The following SPRED2 variants were observed in gnomAD, a reference collection of about 807,000 sequenced individuals.
SPRED2 encodes sprouty related EVH1 domain containing 2, also known as sprouty-related, EVH1 domain-containing protein 2.
In SPRED2, 47 loss-of-function variants were observed where a neutral mutation model predicts 43.0. That is an observed-to-expected ratio of 1.09 (90% CI 0.87 to 1.40). The LOEUF (loss-of-function observed/expected upper bound fraction) is 1.40. SPRED2 is among the 40% of genes most tolerant of loss of function. The pLI is 0.00. For missense variants in SPRED2, 561 were observed against 586.4 expected (o/e 0.96, Z 0.45); for synonymous variants, 225 against 225.7 (o/e 1.00, Z 0.03).
chr2:65,345,056 T>C (rs1337683596), intron 1 of SPRED2, among the ~76,000 whole-genome samples, 160 bp from the exon 2 acceptor site: 2 of 151,972 alleles, frequency 1.3e-5, no homozygotes, highest in Non-Finnish European at 1.5e-5. Context: ...TCTCAACTTT[T>C]AGGGAAAAAA....
At chr2:65,425,664 T>C (rs72808008) in intron 1 of SPRED2, among the ~76,000 whole-genome samples, 12,831 of 152,294 alleles carry the variant, frequency 0.084, 668 homozygotes, top group East Asian at 0.16. Flanking sequence ...ATATATTTTG[T>C]TCCACGGGGC....
At chr2:65,321,865 T>A (rs901973249) in intron 4 of SPRED2, among the ~76,000 whole-genome samples, 1 of 152,100 alleles carries the variant, frequency 6.6e-6, no homozygotes, top group African/African-American at 2.4e-5. Flanking sequence ...CTCCGCCTCC[T>A]GGGTTCAAGC....
chr2:65,370,647 T>C (rs1675101339), intron 1 of SPRED2, among the ~76,000 whole-genome samples: 1 of 152,160 alleles, frequency 6.6e-6, no homozygotes, highest in Non-Finnish European at 1.5e-5. Flanking sequence ...TACAAGAGTG[T>C]TATTTATAGT....
chr2:65,324,171 G>A (rs925606290), intron 4 of SPRED2, among the ~76,000 whole-genome samples: 4 of 151,902 alleles, frequency 2.6e-5, no homozygotes, highest in Non-Finnish European at 5.9e-5. Flanking sequence ...TCCAAAAAAA[G>A]AGCAGGCTTC....
chr2:65,431,222 C>G (rs1676679515), intron 1 of SPRED2, among the ~76,000 whole-genome samples: 1 of 151,632 alleles, frequency 6.6e-6, no homozygotes, highest in Non-Finnish European at 1.5e-5. Context: ...CACATACACA[C>G]ACACACACGC....
intron 4 of SPRED2, among the ~76,000 whole-genome samples, chr2:65,323,334 A>G (rs182082709): frequency 3.0e-4 from 46 of 152,286 alleles, no homozygotes; most frequent in African/African-American, 1.0e-3. Flanking sequence ...AAAAAACCAC[A>G]TACTTTGAGT....
intron 1 of SPRED2, among the ~76,000 whole-genome samples, chr2:65,414,469 T>A (rs1676228040): frequency 6.8e-6 from 1 of 148,012 alleles, no homozygotes; most frequent in African/African-American, 2.7e-5. Flanking sequence ...ACGGAGGCTG[T>A]GAATGTGAAG....
chr2:65,389,451 C>T (rs932901988), intron 1 of SPRED2, among the ~76,000 whole-genome samples: 2 of 152,146 alleles, frequency 1.3e-5, no homozygotes, highest in African/African-American at 4.8e-5. Flanking sequence ...TTCTGCGAAA[C>T]ATAACACACA....
chr2:65,427,571 A>G (rs1383803724), intron 1 of SPRED2, among the ~76,000 whole-genome samples: 1 of 152,184 alleles, frequency 6.6e-6, no homozygotes, highest in African/African-American at 2.4e-5. Context: ...ATAATAACCA[A>G]CTCTGAATTT....
chr2:65,413,185 C>A (rs1176955375), intron 1 of SPRED2, among the ~76,000 whole-genome samples: 1 of 152,156 alleles, frequency 6.6e-6, no homozygotes, highest in Non-Finnish European at 1.5e-5. Context: ...GATGTTTCTC[C>A]TCTAAGGCCC....
Position 65,355,326 on chromosome 2 carries a change from T to C in SPRED2, c.27-10430A>G, listed in dbSNP as rs78680798. Among the ~76,000 whole-genome samples the C allele has an allele frequency of 2.7e-3, 408 of 152,330 alleles. 1 individual carries two copies. Among genetic ancestry groups the C allele is most frequent in the Non-Finnish European group, 4.2e-3 (283 of 68,026 alleles). ...TATGGGAAGATTTTACTGTGAAAGATTGTTGACATTCAAGGCATGTGTCAG... is the reference window on the plus strand; with the variant it reads ...TATGGGAAGATTTTACTGTGAAAGACTGTTGACATTCAAGGCATGTGTCAG... On this transcript the variant is annotated intron_variant, in intron 1 of 5. Coordinates refer to ENST00000356388, the MANE Select transcript of SPRED2 (RefSeq NM_181784.3).
At chr2:65,340,108 A>T (rs549097534) in intron 2 of SPRED2, among the ~76,000 whole-genome samples, 8 of 152,360 alleles carry the variant, frequency 5.3e-5, no homozygotes, top group African/African-American at 1.9e-4. Flanking sequence ...TTGCCATAAA[A>T]TGTCATTTAT....
intron 1 of SPRED2, chr2:65,377,810 G>A (rs924097069): frequency 1.6e-5 from 7 of 432,664 alleles, no homozygotes; most frequent in African/African-American, 1.4e-4. Flanking sequence ...GAGGAGCCCG[G>A]GGGCAGTCCC....
chr2:65,316,942 GCAAA>G, intron 4 of SPRED2, 59 bp from the exon 5 acceptor site: 1 of 1,559,396 alleles, frequency 6.4e-7, no homozygotes. Flanking sequence ...ACCCCACGCA[GCAAA>G]CCCTGACATG....
chr2:65,417,191 C>CA (rs1410228580), intron 1 of SPRED2, among the ~76,000 whole-genome samples: 2 of 152,232 alleles, frequency 1.3e-5, no homozygotes, highest in Admixed American at 6.5e-5. Flanking sequence ...ACATCAAAAG[C>CA]AAACACATGG....
In SPRED2 at chr2:65,316,793, T is replaced by G. The variant is rs1254142879; in HGVS notation, c.529A>C (p.Ile177Leu). 1 of 1,613,360 alleles carries G rather than the reference T, an allele frequency of 6.2e-7. No individual in the cohort carries two copies. The highest frequency in any genetic ancestry group is 8.5e-7 in the Non-Finnish European group (1 of 1,179,800). The stretch of plus-strand genomic sequence containing the variant: ...TCGTGGAGGTGGCCCAGGGTATAAA[T>G]CCTCCGGTGCTCACAGGATGTGGGA... ...SSPTSCEHRR[I>L]YTLGHLHDSY... is the part of the protein sequence containing the mutation. The change falls in exon 5 of 6, where the codon ATT becomes CTT. Residue 177 changes from isoleucine to leucine, a missense_variant. By Grantham distance (5) the Ile-to-Leu change is conservative. Transcript: ENST00000356388.
At position 65,402,655 on chromosome 2, in the gene SPRED2, G is replaced by A. The variant is rs191668264; in HGVS notation, c.26+29307C>T. Reference sequence around the variant, plus strand: ...TAGAGCCTAAAGCAGGCATAGTGAAGGCATAGGAATTCCTATCAGAGCTCA... The same window carrying A: ...TAGAGCCTAAAGCAGGCATAGTGAAAGCATAGGAATTCCTATCAGAGCTCA... On this transcript the variant is annotated intron_variant, in intron 1 of 5. Coordinates refer to ENST00000356388, the MANE Select transcript of SPRED2 (RefSeq NM_181784.3). Among the ~76,000 whole-genome samples the A allele has an allele frequency of 5.3e-4, 81 of 152,292 alleles. 2 individuals carry two copies. The highest frequency in any genetic ancestry group is 2.1e-3 in the Admixed American group (32 of 15,294).
chr2:65,343,188 T>C (rs1674242713), intron 2 of SPRED2, among the ~76,000 whole-genome samples: 1 of 152,264 alleles, frequency 6.6e-6, no homozygotes, highest in African/African-American at 2.4e-5. Context: ...AAATGCTAGA[T>C]AAATGGTAGT....
intron 1 of SPRED2, among the ~76,000 whole-genome samples, chr2:65,350,808 A>G (rs1328301810): frequency 6.6e-6 from 1 of 152,246 alleles, no homozygotes; most frequent in Non-Finnish European, 1.5e-5. Context: ...GCCACGTTAC[A>G]GACATAAACC....
Sources: allele counts gnomAD v4.1 joint callset (sites outside exome capture counted in the v4.1 genomes callset), GRCh38; gene constraint gnomAD v4.1.1; transcripts MANE v1.5; gene names NCBI Gene and HGNC (gene_info 2026-07-23, HGNC 2026-07-21).